The following ANKS1B variants were observed in gnomAD, a reference collection of about 807,000 sequenced individuals.
The protein encoded by ANKS1B is ankyrin repeat and sterile alpha motif domain-containing protein 1B.
Under a neutral mutation model 148.3 loss-of-function variants are expected in ANKS1B, and 36 were observed. The observed-to-expected ratio is 0.24, with a 90% CI of 0.19 to 0.32. The LOEUF is 0.32. Ranked by LOEUF, ANKS1B falls within the 10% of genes least tolerant of loss-of-function variation. ANKS1B has a pLI of 1.00. For missense variants in ANKS1B, 1,157 were observed against 1,542.6 expected (o/e 0.75, Z 4.19); for synonymous variants, 542 against 560.8 (o/e 0.97, Z 0.47).
At chr12:99,441,667 C>T (rs1169532912) in intron 11 of ANKS1B, among the ~76,000 whole-genome samples, 1 of 151,902 alleles carries the variant, frequency 6.6e-6, no homozygotes, top group Non-Finnish European at 1.5e-5. Context: ...AGTTACTTAA[C>T]TTTCTCACTT....
At chr12:99,431,684 G>A (rs74817683) in intron 11 of ANKS1B, among the ~76,000 whole-genome samples, 3,452 of 152,304 alleles carry the variant, frequency 0.023, 53 homozygotes, top group Non-Finnish European at 0.038. Context: ...TGACTAAGAG[G>A]AAGGTGGCAG....
At chr12:98,756,046 C>A (rs1261371734) in intron 25 of ANKS1B, among the ~76,000 whole-genome samples, 4 of 152,126 alleles carry the variant, frequency 2.6e-5, no homozygotes, top group Non-Finnish European at 5.9e-5. Context: ...GGGAATTAGT[C>A]ATGTAAAAAG....
chr12:98,975,553 G>A (rs1016257984), intron 17 of ANKS1B, among the ~76,000 whole-genome samples: 1 of 152,244 alleles, frequency 6.6e-6, no homozygotes, highest in Non-Finnish European at 1.5e-5. Flanking sequence ...TCCTAGTGGG[G>A]GAGACAGATT....
At chr12:98,777,997 T>G (rs1194787033) in intron 24 of ANKS1B, among the ~76,000 whole-genome samples, 3 of 152,118 alleles carry the variant, frequency 2.0e-5, no homozygotes, top group African/African-American at 7.2e-5. Flanking sequence ...GAAAATCAAG[T>G]TTTAGTCGTT....
chr12:99,894,348 G>GA (rs1239973492), intron 1 of ANKS1B, among the ~76,000 whole-genome samples: 2 of 142,602 alleles, frequency 1.4e-5, no homozygotes, highest in Non-Finnish European at 3.1e-5. Flanking sequence ...GAAAAGAAAA[G>GA]AAAAAAGAAA....
intron 15 of ANKS1B, among the ~76,000 whole-genome samples, chr12:99,151,610 A>T (rs1428221530): frequency 1.3e-5 from 2 of 152,156 alleles, no homozygotes; most frequent in East Asian, 3.9e-4. Flanking sequence ...AATAGTCCTT[A>T]TTAAAGATAA....
chr12:98,854,553 T>C (rs1478627341), intron 17 of ANKS1B, among the ~76,000 whole-genome samples: 1 of 152,260 alleles, frequency 6.6e-6, no homozygotes, highest in Non-Finnish European at 1.5e-5. Flanking sequence ...GCAAGTCTGT[T>C]AGATTTTAAC....
intron 2 of ANKS1B, among the ~76,000 whole-genome samples, chr12:99,820,514 G>A (rs1373076007): frequency 6.6e-6 from 1 of 151,880 alleles, no homozygotes; most frequent in Admixed American, 6.6e-5. Context: ...TAGAGCAGAT[G>A]GATACAACAA....
At chr12:99,801,809 A>G (rs555199426) in intron 4 of ANKS1B, among the ~76,000 whole-genome samples, 5 of 152,326 alleles carry the variant, frequency 3.3e-5, no homozygotes, top group South Asian at 2.1e-4. Context: ...GATCCAATGA[A>G]CAAGTAGAGA....
chr12:99,576,117 AGATTTTAAACCAACAAT>A (rs1374496721), intron 9 of ANKS1B, among the ~76,000 whole-genome samples: 1 of 152,128 alleles, frequency 6.6e-6, no homozygotes, highest in African/African-American at 2.4e-5. Context: ...GAGACAAAAC[AGATTTTAAACCAACAAT>A]GATCAAAAGG....
chr12:99,758,908 A>G (rs1029471454), intron 8 of ANKS1B, among the ~76,000 whole-genome samples: 1 of 151,932 alleles, frequency 6.6e-6, no homozygotes, highest in African/African-American at 2.4e-5. Flanking sequence ...GCAAAAGGAA[A>G]TCTTTCAAAG....
At chr12:98,901,274 A>T (rs1283940891) in intron 17 of ANKS1B, among the ~76,000 whole-genome samples, 1 of 152,194 alleles carries the variant, frequency 6.6e-6, no homozygotes, top group African/African-American at 2.4e-5. Context: ...GGTGCAAGGG[A>T]TACAAATTTG....
At chr12:99,229,013 G>T (rs2086406604) in intron 14 of ANKS1B, among the ~76,000 whole-genome samples, 5 of 151,758 alleles carry the variant, frequency 3.3e-5, no homozygotes, top group African/African-American at 1.2e-4. Flanking sequence ...TTTAGACAAT[G>T]AAAATAAAAT....
chr12:98,799,683 C>T lies in ANKS1B; in HGVS notation c.3271-678G>A, dbSNP rs1388739300. On this transcript the variant is annotated intron_variant, in intron 21 of 26. Coordinates refer to ENST00000683438, the MANE Select transcript of ANKS1B (RefSeq NM_001352186.2). ...CTACTTTGTTGTTAGAAGACCAGAC[C>T]CCATACTGTATCATCCTGGTACAAA... Among the ~76,000 whole-genome samples the T allele has an allele frequency of 2.0e-5, 3 of 152,158 alleles. No individual in the cohort carries two copies. In the East Asian group the frequency reaches 5.8e-4, roughly 29 times the overall value.
At chr12:99,929,446 T>C (rs911673595) in intron 1 of ANKS1B, among the ~76,000 whole-genome samples, 1 of 152,206 alleles carries the variant, frequency 6.6e-6, no homozygotes, top group African/African-American at 2.4e-5. Context: ...ATTCTGTAGG[T>C]TGCCTGTTCA....
intron 12 of ANKS1B, among the ~76,000 whole-genome samples, chr12:99,285,383 C>A (rs1261949921): frequency 1.3e-5 from 2 of 152,228 alleles, no homozygotes; most frequent in Non-Finnish European, 1.5e-5. Context: ...ATTTGGTTTG[C>A]TGCCAGGTTT....
intron 17 of ANKS1B, among the ~76,000 whole-genome samples, chr12:98,876,669 C>G (rs2099691379): frequency 6.6e-6 from 1 of 152,148 alleles, no homozygotes; most frequent in Non-Finnish European, 1.5e-5. Context: ...CTTTGGGTTT[C>G]TTTTGACAAT....
At chr12:99,322,556 C>CA (rs1176373694) in intron 12 of ANKS1B, among the ~76,000 whole-genome samples, 3 of 149,458 alleles carry the variant, frequency 2.0e-5, no homozygotes, top group African/African-American at 4.9e-5. Context: ...CAAAACAAAA[C>CA]AAAAAACAAT....
Position 98,893,173 on chromosome 12 carries a change from CTCTA to C in ANKS1B, c.2779-61041_2779-61038del, listed in dbSNP as rs567805137. ...CATTTGTATTCGTTACTCCTTTCTTCTCTATCTGAGTCCAAGAGAATCACTGCTA... is the reference window on the plus strand; with the variant it reads ...CATTTGTATTCGTTACTCCTTTCTTCTCTGAGTCCAAGAGAATCACTGCTA... On this transcript the variant is annotated intron_variant, in intron 17 of 26. Coordinates refer to ENST00000683438, the MANE Select transcript of ANKS1B (RefSeq NM_001352186.2). Among the ~76,000 whole-genome samples the C allele has an allele frequency of 4.7e-4, 71 of 152,350 alleles. 1 individual carries two copies. The Middle Eastern group carries it at 0.01, about 22-fold the overall frequency.
Sources: allele counts gnomAD v4.1 joint callset (sites outside exome capture counted in the v4.1 genomes callset), GRCh38; gene constraint gnomAD v4.1.1; transcripts MANE v1.5; gene names NCBI Gene and HGNC (gene_info 2026-07-23, HGNC 2026-07-21).